The following PRELID2 variants were observed in gnomAD, a reference collection of about 807,000 sequenced individuals.
PRELID2 encodes the protein PRELI domain-containing protein 2.
Under a neutral mutation model 28.4 loss-of-function variants are expected in PRELID2, and 25 were observed. That is an observed-to-expected ratio of 0.88 (90% CI 0.64 to 1.23). The LOEUF is 1.23. PRELID2 is among the 50% of genes most tolerant of loss of function. PRELID2 has a pLI of 0.00. For missense variants in PRELID2, 201 were observed against 214.4 expected, an observed-to-expected ratio of 0.94 and a Z score of 0.39; for synonymous variants, 76 against 71.6, an observed-to-expected ratio of 1.06 and a Z score of -0.31.
At chr5:145,483,672 T>C (rs1477268417) in intron 1 of PRELID2, among the ~76,000 whole-genome samples, 1 of 152,104 alleles carries the variant, frequency 6.6e-6, no homozygotes, top group Admixed American at 6.6e-5. Flanking sequence ...TCATAATCTA[T>C]GGAATTGAAA....
the PRELID2 span, among the ~76,000 whole-genome samples, chr5:145,293,800 T>A: frequency 6.6e-6 from 1 of 152,172 alleles, no homozygotes; most frequent in Non-Finnish European, 1.5e-5. Context: ...AGGCTATGGT[T>A]ACAAAGAGTA....
chr5:145,501,524 G>T (rs546643033), intron 1 of PRELID2, among the ~76,000 whole-genome samples: 5 of 152,098 alleles, frequency 3.3e-5, no homozygotes, highest in Admixed American at 1.3e-4. Context: ...TGTTCTTGTG[G>T]TGTGAATAAG....
intron 1 of PRELID2, among the ~76,000 whole-genome samples, chr5:145,543,673 G>A (rs146821861): frequency 6.6e-6 from 1 of 152,172 alleles, no homozygotes; most frequent in African/African-American, 2.4e-5. Flanking sequence ...GGCATTTGTG[G>A]GAAATATGGA....
At chr5:145,732,012 C>T (rs544503063) in intron 1 of PRELID2, among the ~76,000 whole-genome samples, 7 of 152,326 alleles carry the variant, frequency 4.6e-5, no homozygotes, top group African/African-American at 1.4e-4. Flanking sequence ...TCTGGACATT[C>T]TGTGACAATG....
chr5:145,384,635 G>C, the PRELID2 span, among the ~76,000 whole-genome samples: 1 of 152,140 alleles, frequency 6.6e-6, no homozygotes, highest in Non-Finnish European at 1.5e-5. Flanking sequence ...TGTAAGAAAA[G>C]AGCCTTAATT....
the PRELID2 span, among the ~76,000 whole-genome samples, chr5:145,400,203 C>T: frequency 6.6e-6 from 1 of 152,060 alleles, no homozygotes; most frequent in Non-Finnish European, 1.5e-5. Context: ...CAAATGTGTA[C>T]AACTAGTCCT....
chr5:145,271,207 C>G, the PRELID2 span, among the ~76,000 whole-genome samples: 13 of 152,022 alleles, frequency 8.6e-5, no homozygotes, highest in Non-Finnish European at 1.9e-4. Context: ...AGAGCCAAAC[C>G]ATATCATGTC....
Position 145,820,816 on chromosome 5 carries a change from T to C in PRELID2, c.134-798A>G, listed in dbSNP as rs528799288. On this transcript the variant is annotated intron_variant, in intron 2 of 6. Coordinates refer to ENST00000683046, the MANE Select transcript of PRELID2 (RefSeq NM_205846.3). ...GGCTATTCCTGTTCTTTTTATAAAC[T>C]TTCCTAAACAGGAAAAAGCTATTCC... Among the ~76,000 whole-genome samples the C allele has an allele frequency of 5.0e-4, 76 of 152,296 alleles. No homozygotes were observed. In the South Asian group the frequency reaches 0.015, roughly 31 times the overall value.
chr5:145,697,530 C>G (rs972148351), intron 1 of PRELID2, among the ~76,000 whole-genome samples: 1 of 152,118 alleles, frequency 6.6e-6, no homozygotes, highest in African/African-American at 2.4e-5. Flanking sequence ...CATTTCTCTA[C>G]GCCATGTTTA....
At chr5:145,409,453 C>T in the PRELID2 span, among the ~76,000 whole-genome samples, 2 of 152,106 alleles carry the variant, frequency 1.3e-5, no homozygotes, top group Admixed American at 1.3e-4. Flanking sequence ...CTCCACCAAC[C>T]AAGTATCTGC....
chr5:145,785,147 A>G (rs939669817), intron 5 of PRELID2, among the ~76,000 whole-genome samples: 5 of 152,194 alleles, frequency 3.3e-5, no homozygotes, highest in Non-Finnish European at 5.9e-5. Context: ...CATATTTCAC[A>G]TATGTAACCT....
intron 1 of PRELID2, among the ~76,000 whole-genome samples, chr5:145,668,065 A>G (rs1754630652): frequency 1.3e-5 from 2 of 152,132 alleles, no homozygotes. Context: ...CAGTGGTCCA[A>G]AAGTCACATT....
chr5:145,656,096 T>G (rs1420199518), intron 1 of PRELID2, among the ~76,000 whole-genome samples: 1 of 152,014 alleles, frequency 6.6e-6, no homozygotes, highest in East Asian at 1.9e-4. Flanking sequence ...GCAAAGGAGA[T>G]GAACAGACAC....
the PRELID2 span, among the ~76,000 whole-genome samples, chr5:145,335,741 G>T: frequency 6.6e-6 from 1 of 152,190 alleles, no homozygotes; most frequent in Non-Finnish European, 1.5e-5. Flanking sequence ...CCAAGTTAAG[G>T]AAGAAAGAGC....
intron 1 of PRELID2, among the ~76,000 whole-genome samples, chr5:145,519,328 CT>C (rs979825817): frequency 1.1e-4 from 16 of 152,138 alleles, no homozygotes; most frequent in African/African-American, 3.9e-4. Flanking sequence ...TAAATAATTG[CT>C]GTGTTAGACA....
the PRELID2 span, among the ~76,000 whole-genome samples, chr5:145,404,380 C>T: frequency 6.6e-6 from 1 of 152,104 alleles, no homozygotes; most frequent in South Asian, 2.1e-4. Context: ...ACAGGGATTC[C>T]CATAACAGCT....
At position 145,766,437 on chromosome 5, in the gene PRELID2, C is replaced by T. The variant is rs958713852; in HGVS notation, c.475-1437G>A. Reference sequence around the variant, plus strand: ...AGGGACTTCCTACTTGGGATCTAAGCCCAGGGATGGGGACGGAGGGTAATC... The same window carrying T: ...AGGGACTTCCTACTTGGGATCTAAGTCCAGGGATGGGGACGGAGGGTAATC... On this transcript the variant is annotated intron_variant, in intron 5 of 6. Transcript: ENST00000683046. 7.2e-5 allele frequency among the ~76,000 whole-genome samples: 11 copies of T among 152,178 alleles called. No individual in the cohort carries two copies. The East Asian group carries it at 2.1e-3, about 29-fold the overall frequency.
chr5:145,714,339 TAAG>T (rs555934646), intron 1 of PRELID2, among the ~76,000 whole-genome samples: 225 of 152,230 alleles, frequency 1.5e-3, no homozygotes, highest in African/African-American at 5.2e-3. Context: ...AAACAAGAGC[TAAG>T]AAGAACTCCC....
the PRELID2 span, among the ~76,000 whole-genome samples, chr5:145,446,968 G>C: frequency 6.6e-6 from 1 of 151,862 alleles, no homozygotes; most frequent in Non-Finnish European, 1.5e-5. Context: ...AGAATCACTT[G>C]AACCTGGGAG....
Sources: allele counts gnomAD v4.1 joint callset (sites outside exome capture counted in the v4.1 genomes callset), GRCh38; gene constraint gnomAD v4.1.1; transcripts MANE v1.5; gene names NCBI Gene and HGNC (gene_info 2026-07-23, HGNC 2026-07-21).